Variants in PM20D2 observed in about 807,000 individuals in gnomAD.
The protein encoded by PM20D2 is xaa-Arg dipeptidase.
A neutral mutation model predicts 42.9 loss-of-function variants in PM20D2; 33 were observed. The ratio of observed to expected loss-of-function variants is 0.77; its 90% CI spans 0.58 to 1.03. The LOEUF (loss-of-function observed/expected upper bound fraction) is 1.03, where lower values mean the gene tolerates loss of function less well. Ranked by LOEUF, PM20D2 falls within the 50% of genes least tolerant of loss-of-function variation. The probability of loss-of-function intolerance (pLI) is 0.00; values close to 1 mark genes in which losing one functional copy is unlikely to be tolerated. For synonymous variants in PM20D2, 250 were observed against 228.2 expected (o/e 1.10, Z -0.86); for missense variants, 548 against 557.0 (o/e 0.98, Z 0.16).
the PM20D2 span, among the ~76,000 whole-genome samples, chr6:89,102,676 G>A: frequency 6.6e-6 from 1 of 152,150 alleles, no homozygotes; most frequent in African/African-American, 2.4e-5. Flanking sequence ...GGAACATTTA[G>A]AGTTCTAACA....
chr6:89,163,403 A>C lies in PM20D2; in HGVS notation c.*1140A>C, dbSNP rs1250072570. 6.6e-6 allele frequency: 1 copy of C among 152,176 alleles called. No individual in the cohort carries two copies. Among genetic ancestry groups the C allele is most frequent in the Non-Finnish European group, 1.5e-5 (1 of 68,028 alleles). 9.4% of individuals were successfully genotyped at this position (152,176 alleles called of 1,614,324 possible). ...CGCTGTAGCTTCCAGGCTGGCCTCA[A>C]ACTCCTGGGCTCAAGCAATCCTCCT... On this transcript the variant is annotated 3_prime_UTR_variant, in exon 7 of 7. Coordinates refer to ENST00000275072, the MANE Select transcript of PM20D2 (RefSeq NM_001010853.3).
At chr6:89,152,617 T>C (rs147187308) in intron 2 of PM20D2, among the ~76,000 whole-genome samples, 26 of 152,280 alleles carry the variant, frequency 1.7e-4, no homozygotes, top group Non-Finnish European at 2.8e-4. Flanking sequence ...CCACTTCAAA[T>C]AGTAACTCCT....
chr6:89,136,362 A>G, the PM20D2 span, among the ~76,000 whole-genome samples: 2 of 151,288 alleles, frequency 1.3e-5, no homozygotes, highest in Non-Finnish European at 2.9e-5. Context: ...ATACATCTTC[A>G]TGATACTTAA....
chr6:89,132,842 A>G, the PM20D2 span, among the ~76,000 whole-genome samples: 1 of 150,924 alleles, frequency 6.6e-6, no homozygotes, highest in Non-Finnish European at 1.5e-5. Flanking sequence ...CATCTCAAGA[A>G]AAAAAGAAAG....
In PM20D2 at chr6:89,146,132, G is replaced by A. The variant is rs765763374; in HGVS notation, c.-13G>A. ...GGAGCGAGAGGGCGCAGAGGGCAGC[G>A]GGCTTGGGCAGCATGAGGCCCGGAG... On this transcript the variant is annotated 5_prime_UTR_variant, in exon 1 of 7. Transcript: ENST00000275072. The A allele has an allele frequency of 5.8e-5, 84 of 1,442,774 alleles. No individual in the cohort carries two copies. The highest frequency in any genetic ancestry group is 7.3e-5 in the Non-Finnish European group (81 of 1,104,366). 89.4% of individuals were successfully genotyped at this position (1,442,774 alleles called of 1,614,324 possible).
At position 89,162,096 on chromosome 6, in the gene PM20D2, C is replaced by T; in HGVS notation, c.1157-13C>T. 2 of 1,593,444 alleles carry T rather than the reference C, an allele frequency of 1.3e-6. No homozygotes were observed. The highest frequency in any genetic ancestry group is 1.7e-6 in the Non-Finnish European group (2 of 1,172,876). ...AATAAGTAAGGAGGTATTTTATTTT[C>T]TCTACCTTTTAGGGTCACAGGAAGC... On this transcript the variant is annotated splice_polypyrimidine_tract_variant and intron_variant, in intron 6 of 6. Transcript: ENST00000275072.
the PM20D2 span, among the ~76,000 whole-genome samples, chr6:89,129,042 A>G: frequency 6.6e-6 from 1 of 152,254 alleles, no homozygotes; most frequent in African/African-American, 2.4e-5. Context: ...AATTGCAAGA[A>G]AAAAGAAAAA....
At chr6:89,139,294 C>T in the PM20D2 span, among the ~76,000 whole-genome samples, 1 of 152,100 alleles carries the variant, frequency 6.6e-6, no homozygotes, top group African/African-American at 2.4e-5. Flanking sequence ...AGGCTGGTCT[C>T]AAACTCCTGG....
At chr6:89,098,419 A>C in the PM20D2 span, 2 of 966,754 alleles carry the variant, frequency 2.1e-6, no homozygotes, top group Non-Finnish European at 2.8e-6. Flanking sequence ...TGGAGACCAA[A>C]TTTTTATTAA....
At chr6:89,153,303 T>C (rs1770917071) in intron 3 of PM20D2, 118 bp downstream of exon 3, 1 of 781,600 alleles carries the variant, frequency 1.3e-6, no homozygotes, top group Admixed American at 4.1e-5. Flanking sequence ...ATATGAATAT[T>C]CTGATTTTTA....
chr6:89,099,539 T>G, the PM20D2 span, among the ~76,000 whole-genome samples: 14 of 26,090 alleles, frequency 5.4e-4, no homozygotes, highest in African/African-American at 8.9e-4. Context: ...CACATACATG[T>G]TTTTTTTTTT....
At chr6:89,114,798 T>C in the PM20D2 span, among the ~76,000 whole-genome samples, 1 of 152,220 alleles carries the variant, frequency 6.6e-6, no homozygotes, top group African/African-American at 2.4e-5. Context: ...TTTACTGCTT[T>C]TATTTTTTTA....
chr6:89,146,103 C>T lies in PM20D2; in HGVS notation c.-42C>T, dbSNP rs1290736559. On this transcript the variant is annotated 5_prime_UTR_variant, in exon 1 of 7. Coordinates refer to ENST00000275072, the MANE Select transcript of PM20D2 (RefSeq NM_001010853.3). ...CGGGCGGTCGCTACCTGCGGCCGAG[C>T]CAGGGAGCGAGAGGGCGCAGAGGGC... The T allele has an allele frequency of 5.1e-6, 7 of 1,375,884 alleles. No homozygotes were observed. Among genetic ancestry groups the T allele is most frequent in the Non-Finnish European group, 5.6e-6 (6 of 1,067,990 alleles). The allele number at this position is 1,375,884 out of a possible 1,614,324, so 85.2% of individuals were successfully genotyped here. A position where few individuals can be genotyped will look rare whatever the true frequency, so the allele number is the denominator to read the frequency against.
chr6:89,137,813 C>T, the PM20D2 span, among the ~76,000 whole-genome samples: 4 of 152,148 alleles, frequency 2.6e-5, no homozygotes, highest in Non-Finnish European at 5.9e-5. Flanking sequence ...CAGACATATT[C>T]ATTGTTTGTT....
At chr6:89,117,475 G>A in the PM20D2 span, among the ~76,000 whole-genome samples, 1 of 152,178 alleles carries the variant, frequency 6.6e-6, no homozygotes, top group Admixed American at 6.5e-5. Context: ...TCGCTGGAGC[G>A]CAAACCCTCC....
the PM20D2 span, among the ~76,000 whole-genome samples, chr6:89,112,447 CT>C: frequency 0.043 from 5,579 of 128,734 alleles, 149 homozygotes; most frequent in African/African-American, 0.11. Flanking sequence ...TCTTTTCTTT[CT>C]TTTTTTTTTT....
the PM20D2 span, among the ~76,000 whole-genome samples, chr6:89,100,520 G>C: frequency 1.5e-5 from 1 of 64,820 alleles, no homozygotes; most frequent in African/African-American, 5.7e-5. Context: ...CACATGTTAT[G>C]TTAAAAAAAA....
the PM20D2 span, among the ~76,000 whole-genome samples, chr6:89,136,452 C>A: frequency 6.6e-6 from 1 of 150,692 alleles, no homozygotes; most frequent in African/African-American, 2.5e-5. Context: ...CTGAGGCGGG[C>A]GGATCACAAG....
the PM20D2 span, among the ~76,000 whole-genome samples, chr6:89,136,453 G>A: frequency 6.6e-6 from 1 of 151,056 alleles, no homozygotes; most frequent in African/African-American, 2.5e-5. Context: ...TGAGGCGGGC[G>A]GATCACAAGG....
Sources: allele counts gnomAD v4.1 joint callset (sites outside exome capture counted in the v4.1 genomes callset), GRCh38; gene constraint gnomAD v4.1.1; transcripts MANE v1.5; gene names NCBI Gene and HGNC (gene_info 2026-07-23, HGNC 2026-07-21).